The following WDR49 variants were observed in gnomAD, a reference collection of about 807,000 sequenced individuals.
The protein encoded by WDR49 is cilia- and flagella-associated protein 337.
Under a neutral mutation model 119.5 loss-of-function variants are expected in WDR49, and 107 were observed. The observed-to-expected ratio is 0.90, with a 90% CI of 0.77 to 1.05. The LOEUF (loss-of-function observed/expected upper bound fraction) is 1.05, where lower values mean the gene tolerates loss of function less well. Ranked by LOEUF, WDR49 falls within the 50% of genes least tolerant of loss-of-function variation. The probability of loss-of-function intolerance (pLI) is 0.00; values close to 1 mark genes in which losing one functional copy is unlikely to be tolerated. For synonymous variants in WDR49, 425 were observed against 418.8 expected (o/e 1.01, Z -0.18); for missense variants, 1,240 against 1,220.5 (o/e 1.02, Z -0.24).
chr3:167,556,029 C>A (rs1292744616), intron 9 of WDR49, among the ~76,000 whole-genome samples: 2 of 152,112 alleles, frequency 1.3e-5, no homozygotes, highest in East Asian at 1.9e-4. Context: ...AGAAAAGGTA[C>A]AGTAGAAATA....
At chr3:167,634,848 T>G (rs1272366423) in intron 2 of WDR49, among the ~76,000 whole-genome samples, 1 of 151,864 alleles carries the variant, frequency 6.6e-6, no homozygotes, top group Non-Finnish European at 1.5e-5. Flanking sequence ...TAAAATCATT[T>G]ATAATGCCAT....
At chr3:167,585,344 T>A (rs1055461175) in intron 7 of WDR49, among the ~76,000 whole-genome samples, 1 of 151,814 alleles carries the variant, frequency 6.6e-6, no homozygotes, top group Non-Finnish European at 1.5e-5. Flanking sequence ...GCATAACTTC[T>A]AGAAACTTAT....
intron 18 of WDR49, among the ~76,000 whole-genome samples, chr3:167,488,018 A>C (rs1008957015): frequency 6.6e-6 from 1 of 152,046 alleles, no homozygotes; most frequent in Non-Finnish European, 1.5e-5. Context: ...AAATCTCACT[A>C]CTGGAAATAC....
chr3:167,500,272 G>T lies in WDR49; in HGVS notation c.2912C>A (p.Ala971Asp). The change falls in exon 18 of 19, where the codon GCC becomes GAC. Residue 971 changes from alanine (A) to aspartate (D), a missense_variant. Transcript: ENST00000682715. ...ATTCACTTCAGGCAGCTCTTCCAGG[G>T]CTCCAATGTTTAATGACCTAAATGT... ...FSTFRSLNIG[A>D]LEELPEVNKP... The T allele has an allele frequency of 6.2e-7, 1 of 1,603,940 alleles. No individual in the cohort carries two copies.
At chr3:167,492,655 T>C (rs1751189669) in intron 18 of WDR49, among the ~76,000 whole-genome samples, 1 of 152,148 alleles carries the variant, frequency 6.6e-6, no homozygotes, top group South Asian at 2.1e-4. Flanking sequence ...ATGAAGCCTA[T>C]TTTCAGTTGA....
chr3:167,518,911 A>T (rs1752320216), intron 16 of WDR49, among the ~76,000 whole-genome samples: 1 of 151,526 alleles, frequency 6.6e-6, no homozygotes. Flanking sequence ...TCCACAGGGA[A>T]CTTAAACAAA....
intron 9 of WDR49, among the ~76,000 whole-genome samples, chr3:167,556,688 C>A (rs1280200876): frequency 6.6e-6 from 1 of 152,020 alleles, no homozygotes; most frequent in East Asian, 1.9e-4. Flanking sequence ...GAGTTTGAGA[C>A]CAGCCTGGCC....
chr3:167,629,754 A>G (rs932242221), intron 2 of WDR49, among the ~76,000 whole-genome samples: 1 of 152,106 alleles, frequency 6.6e-6, no homozygotes, highest in Non-Finnish European at 1.5e-5. Context: ...TCCAACCCTC[A>G]TGGAAGACTT....
intron 10 of WDR49, among the ~76,000 whole-genome samples, chr3:167,552,016 A>G (rs1358360792): frequency 6.6e-6 from 1 of 152,050 alleles, no homozygotes; most frequent in Non-Finnish European, 1.5e-5. Flanking sequence ...AAATGAAAAA[A>G]TTTTGAGAGG....
intron 18 of WDR49, among the ~76,000 whole-genome samples, 194 bp downstream of exon 18, chr3:167,499,958 TC>T (rs1357967228): frequency 2.0e-5 from 3 of 152,192 alleles, no homozygotes; most frequent in African/African-American, 4.8e-5. Context: ...ATTTCATATA[TC>T]CCAGCCTGTT....
intron 8 of WDR49, among the ~76,000 whole-genome samples, chr3:167,574,633 C>T (rs1000944948): frequency 5.9e-5 from 9 of 152,088 alleles, no homozygotes; most frequent in African/African-American, 2.2e-4. Flanking sequence ...TGTGAGTTAC[C>T]TTGGCTTTGT....
At chr3:167,603,607 C>A (rs1715884970) in intron 6 of WDR49, among the ~76,000 whole-genome samples, 3 of 151,786 alleles carry the variant, frequency 2.0e-5, no homozygotes, top group South Asian at 4.2e-4. Context: ...CTGTAACTAC[C>A]CTATTAATTT....
intron 10 of WDR49, among the ~76,000 whole-genome samples, chr3:167,548,852 C>A (rs1473695421): frequency 6.6e-6 from 1 of 152,034 alleles, no homozygotes; most frequent in Non-Finnish European, 1.5e-5. Flanking sequence ...CTCCCTCCAC[C>A]CCACAACAGG....
At chr3:167,653,197 G>T in intron 2 of WDR49, 64 bp downstream of exon 2, 1 of 1,489,050 alleles carries the variant, frequency 6.7e-7, no homozygotes, top group Non-Finnish European at 9.0e-7. Flanking sequence ...AAATATCTCT[G>T]TGTTTCATTC....
At chr3:167,638,323 A>T (rs188346511) in intron 2 of WDR49, among the ~76,000 whole-genome samples, 121 of 151,676 alleles carry the variant, frequency 8.0e-4, no homozygotes, top group Middle Eastern at 3.4e-3. Context: ...TTTATCAACC[A>T]CTTCACCAAA....
At chr3:167,479,918 G>A (rs1326924862) in intron 18 of WDR49, among the ~76,000 whole-genome samples, 1 of 151,952 alleles carries the variant, frequency 6.6e-6, no homozygotes, top group African/African-American at 2.4e-5. Flanking sequence ...GTCAACTGGA[G>A]GAAACAAGGT....
chr3:167,496,922 GTAAA>G (rs1751377267), intron 18 of WDR49, among the ~76,000 whole-genome samples: 1 of 112,576 alleles, frequency 8.9e-6, no homozygotes, highest in African/African-American at 4.3e-5. Flanking sequence ...CTAACGAGAG[GTAAA>G]TGTAAAACTC....
At chr3:167,532,794 C>T in intron 12 of WDR49, 85 bp downstream of exon 12, 1 of 843,728 alleles carries the variant, frequency 1.2e-6, no homozygotes, top group Non-Finnish European at 1.9e-6. Flanking sequence ...AATTTAGGAT[C>T]AAGTCGCATC....
chr3:167,510,389 C>T (rs1342094877), intron 16 of WDR49, among the ~76,000 whole-genome samples: 1 of 152,114 alleles, frequency 6.6e-6, no homozygotes, highest in African/African-American at 2.4e-5. Flanking sequence ...TTCCTATAAA[C>T]TAGGAAAAAT....
Sources: allele counts gnomAD v4.1 joint callset (sites outside exome capture counted in the v4.1 genomes callset), GRCh38; gene constraint gnomAD v4.1.1; transcripts MANE v1.5; gene names NCBI Gene and HGNC (gene_info 2026-07-23, HGNC 2026-07-21).